The following NTNG2 variants were observed in gnomAD, a reference collection of about 807,000 sequenced individuals.
NTNG2 encodes netrin-G2.
NTNG2 carries 15 observed loss-of-function variants against 47.6 expected under a neutral mutation model. The observed-to-expected ratio is 0.32, with a 90% CI of 0.21 to 0.49. NTNG2 has a LOEUF of 0.49. NTNG2 is among the 20% of genes least tolerant of loss of function. The pLI, the probability that NTNG2 is intolerant of heterozygous loss-of-function variation, is 0.99. For missense variants in NTNG2, 578 were observed against 764.6 expected (o/e 0.76, Z 2.88); for synonymous variants, 307 against 324.6 (o/e 0.95, Z 0.58).
chr9:132,238,100 T>G (rs1841754032), intron 5 of NTNG2, among the ~76,000 whole-genome samples: 1 of 140,582 alleles, frequency 7.1e-6, no homozygotes, highest in East Asian at 2.4e-4. Context: ...GCCGTTGTCC[T>G]TCCTTGTTCG....
Position 132,189,068 on chromosome 9 carries a change from C to CTTTTTTTTTTTTTTTTTTTTTTTTTTTTT in NTNG2, c.214-8871_214-8870insTTTTTTTTTTTTTTTTTTTTTTTTTTTTT, listed in dbSNP as rs749756559. Among the ~76,000 whole-genome samples, 5 of 93,232 alleles carry CTTTTTTTTTTTTTTTTTTTTTTTTTTTTT rather than the reference C, an allele frequency of 5.4e-5. 1 individual carries two copies. The highest frequency in any genetic ancestry group is 1.4e-4 in the African/African-American group (3 of 21,946). 61.2% of individuals were successfully genotyped at this position (93,232 alleles called of 152,430 possible). A position where few individuals can be genotyped will look rare whatever the true frequency, so the allele number is the denominator to read the frequency against. ...TATGTGAAAAAGGCTTTAAGCCTTT[C>CTTTTTTTTTTTTTTTTTTTTTTTTTTTTT]TTTTTTTTTTTTTTTTTTTTTTTTT... On this transcript the variant is annotated intron_variant, in intron 2 of 7. Coordinates refer to ENST00000393229, the MANE Select transcript of NTNG2 (RefSeq NM_032536.4).
intron 2 of NTNG2, among the ~76,000 whole-genome samples, chr9:132,183,750 C>T (rs1020342751): frequency 2.0e-5 from 3 of 152,210 alleles, no homozygotes; most frequent in Non-Finnish European, 4.4e-5. Context: ...ACAGTGTCAT[C>T]GTGTGGGGGC....
In NTNG2 at chr9:132,243,685, G is replaced by A. The variant is rs919298709; in HGVS notation, c.*1574G>A. 2.0e-5 allele frequency: 3 copies of A among 152,332 alleles called. No individual in the cohort carries two copies. Among genetic ancestry groups the A allele is most frequent in the Non-Finnish European group, 2.9e-5 (2 of 68,120 alleles). 9.4% of individuals were successfully genotyped at this position (152,332 alleles called of 1,614,324 possible). A position where few individuals can be genotyped will look rare whatever the true frequency, so the allele number is the denominator to read the frequency against. ...ACACCTGTTCTTTCCCAGCTGCGAGGTTTAGACCTGGGTCCTTCCCTTGAG... is the reference window on the plus strand; with the variant it reads ...ACACCTGTTCTTTCCCAGCTGCGAGATTTAGACCTGGGTCCTTCCCTTGAG... On this transcript the variant is annotated 3_prime_UTR_variant, in exon 8 of 8. Transcript: ENST00000393229.
chr9:132,197,851 T>G lies in NTNG2; in HGVS notation c.214-115T>G. On this transcript the variant is annotated intron_variant, in intron 2 of 7. Coordinates refer to ENST00000393229, the MANE Select transcript of NTNG2 (RefSeq NM_032536.4). This position sits in a 1 kb window ranked among gnomAD's most constrained non-coding sequence, Gnocchi z 4.3. The stretch of plus-strand genomic sequence containing the variant: ...TGTCTGGGCACCGGAGCACAGGCCC[T>G]GTAGCCACAGAGCAGGTTTCTCGGT... 1.0e-6 allele frequency: 1 copy of G among 988,016 alleles called. No individual in the cohort carries two copies. The highest frequency in any genetic ancestry group is 1.5e-6 in the Non-Finnish European group (1 of 682,458). The allele number at this position is 988,016 out of a possible 1,614,324, so 61.2% of individuals were successfully genotyped here.
chr9:132,198,262 C>A lies in NTNG2; in HGVS notation c.510C>A (p.Asp170Glu). ...TWQPYQFYAE[D>E]CMEAFGMSAR... ...AGCCCTACCAGTTCTACGCCGAGGA[C>A]TGCATGGAGGCCTTCGGTATGTCCG... Residue 170 changes from aspartate to glutamate, a missense_variant, in exon 3 of 8, where the codon GAC (aspartate) becomes GAA (glutamate). Physicochemically the swap from Asp to Glu is conservative, Grantham distance 45. Coordinates refer to ENST00000393229, the MANE Select transcript of NTNG2 (RefSeq NM_032536.4). 1 of 1,612,912 alleles carries A rather than the reference C, an allele frequency of 6.2e-7. No individual in the cohort carries two copies. Among genetic ancestry groups the A allele is most frequent in the Non-Finnish European group, 8.5e-7 (1 of 1,180,012 alleles).
intron 3 of NTNG2, among the ~76,000 whole-genome samples, chr9:132,222,502 T>G (rs945074711): frequency 6.6e-6 from 1 of 152,206 alleles, no homozygotes; most frequent in African/African-American, 2.4e-5. Flanking sequence ...GTGTCCAGGC[T>G]CTCAGGGGAA....
At chr9:132,174,846 T>C (rs1448347484) in intron 2 of NTNG2, among the ~76,000 whole-genome samples, 1 of 151,640 alleles carries the variant, frequency 6.6e-6, no homozygotes, top group Admixed American at 6.6e-5. Context: ...CACTTGAACC[T>C]GGGAGGTGGG....
chr9:132,208,361 G>C lies in NTNG2; in HGVS notation c.857+9752G>C, dbSNP rs952646632. ...CAGATCACGCCAGCCCTGCAGCCCC[G>C]GGAGGAAGTTGGTTTTGGTTGAAGT... On this transcript the variant is annotated intron_variant, in intron 3 of 7. Transcript: ENST00000393229. The surrounding 1 kb of genome is among the most constrained non-coding windows in gnomAD (Gnocchi z 4.0). 1.3e-5 allele frequency among the ~76,000 whole-genome samples: 2 copies of C among 152,138 alleles called. No homozygotes were observed. The highest frequency in any genetic ancestry group is 4.8e-5 in the African/African-American group (2 of 41,424).
intron 2 of NTNG2, among the ~76,000 whole-genome samples, chr9:132,174,311 G>GA (rs1564384951): frequency 6.9e-5 from 8 of 115,662 alleles, no homozygotes; most frequent in African/African-American, 2.9e-4. Flanking sequence ...CTGCGGATGA[G>GA]ACGGACGGAC....
Position 132,182,609 on chromosome 9 carries a change from A to C in NTNG2, c.214-15357A>C, listed in dbSNP as rs1391786859. Among the ~76,000 whole-genome samples the C allele has an allele frequency of 2.6e-5, 4 of 152,226 alleles. No homozygotes were observed. The East Asian group carries it at 7.7e-4, about 29-fold the overall frequency. ...TCAGCCCTGACTAGCCGTGATGCCC[A>C]GGACCTTCCCCCAAGGGGCTCAGGC... is the stretch of plus-strand genomic sequence containing the variant. On this transcript the variant is annotated intron_variant, in intron 2 of 7. Coordinates refer to ENST00000393229, the MANE Select transcript of NTNG2 (RefSeq NM_032536.4). This position sits in a 1 kb window ranked among gnomAD's most constrained non-coding sequence, Gnocchi z 4.2.
intron 3 of NTNG2, among the ~76,000 whole-genome samples, chr9:132,200,695 T>C (rs1461881505): frequency 6.6e-6 from 1 of 152,174 alleles, no homozygotes; most frequent in African/African-American, 2.4e-5. Flanking sequence ...AGGTCGTTCA[T>C]GAAGCTGGAG....
At chr9:132,167,073 C>T (rs1835545156) in intron 2 of NTNG2, 29 bp downstream of exon 2, 2 of 1,609,680 alleles carry the variant, frequency 1.2e-6, no homozygotes, top group Non-Finnish European at 1.7e-6. Flanking sequence ...CTTTTGTTTG[C>T]CCAGGCCAAG....
rs72763672 is a variant in NTNG2, at chr9:132,183,585, G to T, written c.214-14381G>T. On this transcript the variant is annotated intron_variant, in intron 2 of 7. Transcript: ENST00000393229. ...GGGCTTGTCATCTGTGCCACTCATG[G>T]GGACCAGGACACAGGTGACTTCTCT... is the stretch of plus-strand genomic sequence containing the variant. Among the ~76,000 whole-genome samples, 425 of 152,312 alleles carry T rather than the reference G, an allele frequency of 2.8e-3. 1 individual carries two copies. Among genetic ancestry groups the T allele is most frequent in the Non-Finnish European group, 4.4e-3 (298 of 68,028 alleles).
chr9:132,198,118 C>T lies in NTNG2; in HGVS notation c.366C>T (p.Asn122=), dbSNP rs1203538135. The change falls in exon 3 of 8, where the codon AAC becomes AAT. Residue 122 remains asparagine, a synonymous_variant. Coordinates refer to ENST00000393229, the MANE Select transcript of NTNG2 (RefSeq NM_032536.4). ...WSRYPSPLEA[N]ITLSWNKTVE... ...GCTACCCCAGCCCGCTGGAAGCCAA[C>T]ATCACCCTTTCGTGGAACAAGACCG... 2 of 1,613,918 alleles carry T rather than the reference C, an allele frequency of 1.2e-6. No individual in the cohort carries two copies. The highest frequency in any genetic ancestry group is 1.7e-6 in the Non-Finnish European group (2 of 1,180,020).
chr9:132,226,873 C>T lies in NTNG2; in HGVS notation c.882C>T (p.Asn294=). 7.4e-6 allele frequency: 12 copies of T among 1,610,914 alleles called. No individual in the cohort carries two copies. The highest frequency in any genetic ancestry group is 9.3e-6 in the Non-Finnish European group (11 of 1,178,806). The change falls in exon 4 of 8, where the codon AAC becomes AAT. Residue 294 remains asparagine, a synonymous_variant. Transcript: ENST00000393229. This position sits in a 1 kb window ranked among gnomAD's most constrained non-coding sequence, Gnocchi z 4.8. Reference sequence around the variant, plus strand: ...GGTGCAAGTGCAACCTGCACGCCAACCTGTGCTCCATGCGCGAGGGCAGCC... The same window carrying T: ...GGTGCAAGTGCAACCTGCACGCCAATCTGTGCTCCATGCGCGAGGGCAGCC... ...IGRCKCNLHA[N]LCSMREGSLQ...
rs2131225804 is a variant in NTNG2, at chr9:132,162,361, T to C, written c.-484+122T>C. The C allele has an allele frequency of 6.6e-6, 1 of 152,330 alleles. No homozygotes were observed. The highest frequency in any genetic ancestry group is 2.1e-4 in the South Asian group (1 of 4,828). 9.4% of individuals were successfully genotyped at this position (152,330 alleles called of 1,614,324 possible). ...GGCTTGCCCGGGCCCGGGAGCCACT[T>C]ACAGCGGCCCGGCAAAGGCTCGGAT... On this transcript the variant is annotated intron_variant, in intron 1 of 7. Transcript: ENST00000393229. This position sits in a 1 kb window ranked among gnomAD's most constrained non-coding sequence, Gnocchi z 4.6.
intron 3 of NTNG2, among the ~76,000 whole-genome samples, chr9:132,212,494 G>T (rs999680803): frequency 6.6e-6 from 1 of 152,104 alleles, no homozygotes; most frequent in Non-Finnish European, 1.5e-5. Flanking sequence ...CTCAATTGCC[G>T]GCCTGATTGC....
In NTNG2 at chr9:132,231,178, G is replaced by C; in HGVS notation, c.1054+583G>C. On this transcript the variant is annotated intron_variant, in intron 5 of 7. Coordinates refer to ENST00000393229, the MANE Select transcript of NTNG2 (RefSeq NM_032536.4). The surrounding 1 kb of genome is among the most constrained non-coding windows in gnomAD (Gnocchi z 4.1). ...GGGAGGGGCATCTGCAGGAGGTGGG[G>C]GTCCTGAGAGTTCCCCAGGAGGGCG... is the stretch of plus-strand genomic sequence containing the variant. 1 of 397,164 alleles carries C rather than the reference G, an allele frequency of 2.5e-6. No individual in the cohort carries two copies. Among genetic ancestry groups the C allele is most frequent in the Admixed American group, 2.7e-5 (1 of 36,452 alleles). 24.6% of individuals were successfully genotyped at this position (397,164 alleles called of 1,614,324 possible).
chr9:132,173,341 G>T (rs1305617726), intron 2 of NTNG2, among the ~76,000 whole-genome samples: 1 of 152,172 alleles, frequency 6.6e-6, no homozygotes, highest in African/African-American at 2.4e-5. Context: ...GAAGACCGAG[G>T]CCCGGGGCCC....
Sources: gnomAD v4.1 joint callset for allele counts (sites outside exome capture counted in the v4.1 genomes callset) on GRCh38, gnomAD v4.1.1 for gene constraint, Gnocchi (gnomAD v3.1) non-coding constraint, MANE v1.5 for transcripts, NCBI Gene and HGNC (gene_info 2026-07-23, HGNC 2026-07-21) for gene names.